Variants in CCDC148 observed in about 807,000 individuals in gnomAD.
CCDC148 encodes the protein coiled-coil domain-containing protein 148.
Under a neutral mutation model 85.7 loss-of-function variants are expected in CCDC148, and 89 were observed. The observed-to-expected ratio is 1.04, with a 90% CI of 0.87 to 1.24. The LOEUF (loss-of-function observed/expected upper bound fraction) is 1.24, where lower values mean the gene tolerates loss of function less well. Ranked by LOEUF, CCDC148 falls within the 50% of genes most tolerant of loss-of-function variation. The probability of loss-of-function intolerance (pLI) is 0.00; values close to 1 mark genes in which losing one functional copy is unlikely to be tolerated. For missense variants in CCDC148, 692 were observed against 671.7 expected (o/e 1.03, Z -0.33); for synonymous variants, 230 against 213.9 (o/e 1.08, Z -0.66).
chr2:158,434,083 A>G (rs7606638), intron 1 of CCDC148, among the ~76,000 whole-genome samples: 25,337 of 152,146 alleles, frequency 0.17, 2,274 homozygotes, highest in Middle Eastern at 0.21. Context: ...AACTTCTACA[A>G]ACTTAAACGT....
chr2:158,242,638 T>TTC (rs1006005378), intron 10 of CCDC148, among the ~76,000 whole-genome samples: 1 of 151,024 alleles, frequency 6.6e-6, no homozygotes, highest in African/African-American at 2.4e-5. Flanking sequence ...CTGTAGTTTT[T>TTC]TTTTTTTTTT....
intron 1 of CCDC148, among the ~76,000 whole-genome samples, chr2:158,385,982 T>C (rs1049159199): frequency 1.3e-5 from 2 of 152,150 alleles, no homozygotes; most frequent in Non-Finnish European, 2.9e-5. Flanking sequence ...TAGTGGGGTC[T>C]GGCCTCTCAC....
intron 9 of CCDC148, among the ~76,000 whole-genome samples, chr2:158,287,876 C>G (rs1459276206): frequency 6.6e-6 from 1 of 152,224 alleles, no homozygotes; most frequent in African/African-American, 2.4e-5. Context: ...TCTGTACTGC[C>G]TTAGCAGAGG....
chr2:158,319,738 C>T (rs138249945), intron 7 of CCDC148, among the ~76,000 whole-genome samples: 150 of 152,130 alleles, frequency 9.9e-4, no homozygotes, highest in African/African-American at 3.3e-3. Flanking sequence ...CTTAATATTG[C>T]TTTGGAAGAA....
At chr2:158,358,427 A>G (rs112966644) in intron 2 of CCDC148, 22 bp downstream of exon 2, 1 of 1,592,978 alleles carries the variant, frequency 6.3e-7, no homozygotes, top group Admixed American at 1.8e-5. Flanking sequence ...CTAGAAAAAC[A>G]CATACACACA....
At position 158,172,231 on chromosome 2, in the gene CCDC148, T is replaced by G; in HGVS notation, c.1658A>C (p.Glu553Ala). Residue 553 changes from glutamate to alanine, a missense_variant, in exon 14 of 14, where the codon GAG becomes GCG. Glu to Ala is a moderately radical substitution (Grantham distance 107). Transcript: ENST00000283233. Reference protein sequence around the residue: ...QIISDPRLRFELALREAGLHR... With the variant: ...QIISDPRLRFALALREAGLHR... ...AAGTCCAGCTTCTCGAAGTGCTAAC[T>G]CGAAGCGAAGTCTAGGGTCAGAAAT... 2 of 1,607,550 alleles carry G rather than the reference T, an allele frequency of 1.2e-6. No homozygotes were observed. The highest frequency in any genetic ancestry group is 1.7e-6 in the Non-Finnish European group (2 of 1,176,950).
intron 9 of CCDC148, among the ~76,000 whole-genome samples, chr2:158,285,993 A>G (rs1372898595): frequency 1.3e-5 from 2 of 152,186 alleles, no homozygotes; most frequent in African/African-American, 4.8e-5. Flanking sequence ...TGGTAAAAGG[A>G]AGCAAAATTG....
At chr2:158,446,375 C>T (rs1204509954) in intron 1 of CCDC148, among the ~76,000 whole-genome samples, 1 of 151,826 alleles carries the variant, frequency 6.6e-6, no homozygotes, top group Non-Finnish European at 1.5e-5. Flanking sequence ...TCAATTCCAT[C>T]CACCAATTAT....
chr2:158,221,768 A>T (rs898566150), intron 10 of CCDC148, among the ~76,000 whole-genome samples: 4 of 152,206 alleles, frequency 2.6e-5, no homozygotes, highest in Non-Finnish European at 5.9e-5. Flanking sequence ...ACATCTGTTC[A>T]ATGTTTAATG....
chr2:158,292,577 G>A (rs1263893685), intron 9 of CCDC148, among the ~76,000 whole-genome samples: 1 of 152,170 alleles, frequency 6.6e-6, no homozygotes, highest in African/African-American at 2.4e-5. Context: ...CAAGACTCGA[G>A]TCTTTCTAAC....
intron 9 of CCDC148, among the ~76,000 whole-genome samples, chr2:158,257,795 G>C (rs1021617631): frequency 6.6e-6 from 1 of 151,672 alleles, no homozygotes; most frequent in East Asian, 1.9e-4. Context: ...TCATTTAATT[G>C]GGTCCTGGAG....
chr2:158,359,478 T>C (rs1356399958), intron 1 of CCDC148, among the ~76,000 whole-genome samples: 3 of 151,998 alleles, frequency 2.0e-5, no homozygotes, highest in African/African-American at 7.3e-5. Flanking sequence ...CCAACTGAGG[T>C]GCCTGGCTCA....
chr2:158,226,033 A>T (rs982947730), intron 10 of CCDC148, among the ~76,000 whole-genome samples: 1 of 152,220 alleles, frequency 6.6e-6, no homozygotes, highest in African/African-American at 2.4e-5. Flanking sequence ...TTTTGAAAAG[A>T]TCAACAAAAT....
intron 10 of CCDC148, among the ~76,000 whole-genome samples, chr2:158,248,455 G>C (rs6437155): frequency 5.7e-4 from 87 of 152,156 alleles, no homozygotes; most frequent in African/African-American, 1.9e-3. Context: ...AATAAAATAA[G>C]TCGTATGCCT....
chr2:158,199,228 TTTTTAAA>T (rs1685827046), intron 11 of CCDC148, among the ~76,000 whole-genome samples: 1 of 152,116 alleles, frequency 6.6e-6, no homozygotes, highest in Non-Finnish European at 1.5e-5. Flanking sequence ...TGATATTGCT[TTTTTAAA>T]TTTTAATTTT....
At chr2:158,282,644 G>T (rs550732510) in intron 9 of CCDC148, among the ~76,000 whole-genome samples, 33 of 152,278 alleles carry the variant, frequency 2.2e-4, no homozygotes, top group South Asian at 8.3e-4. Flanking sequence ...CACAGAAATG[G>T]AAAAACATTC....
chr2:158,293,027 A>G (rs1340579768), intron 9 of CCDC148, among the ~76,000 whole-genome samples: 1 of 152,206 alleles, frequency 6.6e-6, no homozygotes, highest in Non-Finnish European at 1.5e-5. Flanking sequence ...AGTGATACAA[A>G]GCTCAATAAA....
rs567245401 is a variant in CCDC148, at chr2:158,264,265, T to C, written c.1111-13353A>G. The stretch of plus-strand genomic sequence containing the variant: ...TCATCAGCTCATTCCTTTCTAGATA[T>C]AGCACAGAATCAACAACTGATAATT... On this transcript the variant is annotated intron_variant, in intron 9 of 13. Coordinates refer to ENST00000283233, the MANE Select transcript of CCDC148 (RefSeq NM_138803.4). Among the ~76,000 whole-genome samples the C allele has an allele frequency of 6.9e-4, 105 of 152,202 alleles. 1 individual carries two copies. The highest frequency in any genetic ancestry group is 1.3e-3 in the Non-Finnish European group (88 of 67,964).
At position 158,407,491 on chromosome 2, in the gene CCDC148, C is replaced by T. The variant is rs537162257; in HGVS notation, c.26-48921G>A. ...CCAAAACTGGAGTTGTATCAAAATACATGAGATTTTTTAAATTGACATATT... is the reference window on the plus strand; with the variant it reads ...CCAAAACTGGAGTTGTATCAAAATATATGAGATTTTTTAAATTGACATATT... On this transcript the variant is annotated intron_variant, in intron 1 of 13. Transcript: ENST00000283233. Among the ~76,000 whole-genome samples the T allele has an allele frequency of 1.1e-4, 16 of 152,190 alleles. No individual in the cohort carries two copies. The East Asian group carries it at 1.5e-3, about 15-fold the overall frequency.
Sources: gnomAD v4.1 joint callset for allele counts (sites outside exome capture counted in the v4.1 genomes callset) on GRCh38, gnomAD v4.1.1 for gene constraint, MANE v1.5 for transcripts, NCBI Gene and HGNC (gene_info 2026-07-23, HGNC 2026-07-21) for gene names.